Variants in CNTNAP5 observed in about 807,000 individuals in gnomAD.
CNTNAP5 encodes contactin-associated protein-like 5.
In CNTNAP5, 72 loss-of-function variants were observed where a neutral mutation model predicts 150.2. The observed-to-expected ratio is 0.48, with a 90% CI of 0.40 to 0.58. CNTNAP5 has a LOEUF of 0.58. Among genes scored for constraint, CNTNAP5 ranks in the 20% least tolerant of loss-of-function variants. The pLI is 0.00. For synonymous variants in CNTNAP5, 672 were observed against 619.8 expected (o/e 1.08, Z -1.25); for missense variants, 1,636 against 1,626.2 (o/e 1.01, Z -0.10).
intron 1 of CNTNAP5, among the ~76,000 whole-genome samples, chr2:124,105,215 T>C (rs1304058019): frequency 6.6e-6 from 1 of 152,190 alleles, no homozygotes; most frequent in Non-Finnish European, 1.5e-5. Context: ...ATTGTGTGGG[T>C]GTATCATAAT....
intron 20 of CNTNAP5, among the ~76,000 whole-genome samples, chr2:124,869,346 T>C (rs559626576): frequency 6.6e-6 from 1 of 152,322 alleles, no homozygotes; most frequent in Non-Finnish European, 1.5e-5. Flanking sequence ...AGCAAGTTCC[T>C]GAGCAGGTTT....
chr2:124,707,544 G>A (rs747853114), intron 13 of CNTNAP5, among the ~76,000 whole-genome samples: 3 of 152,016 alleles, frequency 2.0e-5, no homozygotes, highest in Non-Finnish European at 4.4e-5. Flanking sequence ...TCCACCCATC[G>A]CATCATTGTC....
At chr2:124,320,492 A>T (rs909994011) in intron 3 of CNTNAP5, among the ~76,000 whole-genome samples, 1 of 152,182 alleles carries the variant, frequency 6.6e-6, no homozygotes, top group Non-Finnish European at 1.5e-5. Flanking sequence ...TTTACTGCCC[A>T]CTTCTGATTT....
intron 20 of CNTNAP5, among the ~76,000 whole-genome samples, chr2:124,866,196 G>A (rs1433256128): frequency 6.6e-6 from 1 of 152,068 alleles, no homozygotes; most frequent in Non-Finnish European, 1.5e-5. Context: ...GGAGGCGGAG[G>A]TTGCAGTGAG....
intron 3 of CNTNAP5, among the ~76,000 whole-genome samples, chr2:124,289,478 A>G (rs2104632117): frequency 6.6e-6 from 1 of 152,332 alleles, no homozygotes; most frequent in South Asian, 2.1e-4. Context: ...TGTGAATACA[A>G]ATTTGTCATC....
intron 11 of CNTNAP5, among the ~76,000 whole-genome samples, chr2:124,590,808 A>C (rs927860369): frequency 2.0e-5 from 3 of 152,198 alleles, no homozygotes; most frequent in Non-Finnish European, 2.9e-5. Context: ...TACAATAGGA[A>C]TATAAATGGC....
intron 3 of CNTNAP5, among the ~76,000 whole-genome samples, chr2:124,362,362 A>G (rs1690236190): frequency 6.6e-6 from 1 of 152,252 alleles, no homozygotes; most frequent in Non-Finnish European, 1.5e-5. Flanking sequence ...AATATCATTA[A>G]CAAGATAGTC....
At chr2:124,510,945 G>A (rs1694573350) in intron 8 of CNTNAP5, among the ~76,000 whole-genome samples, 1 of 152,114 alleles carries the variant, frequency 6.6e-6, no homozygotes, top group Non-Finnish European at 1.5e-5. Context: ...TAAGCTCCCA[G>A]TTCTTTCTTA....
At chr2:124,198,579 C>G (rs936992719) in intron 1 of CNTNAP5, among the ~76,000 whole-genome samples, 2 of 152,120 alleles carry the variant, frequency 1.3e-5, no homozygotes, top group Admixed American at 6.5e-5. Context: ...TCTCTCCCCA[C>G]TCTAGGAGTT....
At chr2:124,838,322 A>G (rs1287340474) in intron 19 of CNTNAP5, among the ~76,000 whole-genome samples, 2 of 152,046 alleles carry the variant, frequency 1.3e-5, no homozygotes, top group Middle Eastern at 3.2e-3. Context: ...CACAGGTGAT[A>G]TCTAGAGGCC....
intron 3 of CNTNAP5, among the ~76,000 whole-genome samples, chr2:124,280,275 CCT>C (rs975849753): frequency 8.6e-5 from 13 of 152,028 alleles, no homozygotes; most frequent in Non-Finnish European, 1.8e-4. Flanking sequence ...TCAAGCAATT[CCT>C]CTGTCTCAGC....
chr2:124,521,659 T>C (rs763421523), intron 8 of CNTNAP5, among the ~76,000 whole-genome samples: 4 of 152,200 alleles, frequency 2.6e-5, no homozygotes, highest in Non-Finnish European at 4.4e-5. Flanking sequence ...GCTTGGCCTT[T>C]AGGGAGTATT....
At position 124,920,263 on chromosome 2, in the gene CNTNAP5, C is replaced by A. The variant is rs1678847750; in HGVS notation, c.*5975C>A. On this transcript the variant is annotated 3_prime_UTR_variant, in exon 24 of 24. Transcript: ENST00000682447. ...CAGAAATATCTTCAGAGAACGTGAA[C>A]AAAGTGCTGGATATGAAACAGGAAT... Among the ~76,000 whole-genome samples the A allele has an allele frequency of 6.6e-6, 1 of 152,106 alleles. No homozygotes were observed. The highest frequency in any genetic ancestry group is 2.4e-5 in the African/African-American group (1 of 41,432).
At chr2:124,460,642 A>C (rs957188649) in intron 6 of CNTNAP5, among the ~76,000 whole-genome samples, 1 of 152,112 alleles carries the variant, frequency 6.6e-6, no homozygotes, top group Admixed American at 6.5e-5. Context: ...GATGAATTTT[A>C]TTTCTGTGAA....
In CNTNAP5 at chr2:124,914,497, C is replaced by T. The variant is rs139818189; in HGVS notation, c.*209C>T. On this transcript the variant is annotated 3_prime_UTR_variant, in exon 24 of 24. Coordinates refer to ENST00000682447, the MANE Select transcript of CNTNAP5 (RefSeq NM_001367498.1). Reference sequence around the variant, plus strand: ...GCCACTGCCTTCCTCTCTGATGAACCTATCGGGTGAAAACGACCACTCAAG... The same window carrying T: ...GCCACTGCCTTCCTCTCTGATGAACTTATCGGGTGAAAACGACCACTCAAG... The T allele has an allele frequency of 1.8e-4, 101 of 546,864 alleles. No homozygotes were observed. Among genetic ancestry groups the T allele is most frequent in the African/African-American group, 1.8e-3 (97 of 52,588 alleles). 33.9% of individuals were successfully genotyped at this position (546,864 alleles called of 1,614,324 possible).
intron 1 of CNTNAP5, among the ~76,000 whole-genome samples, chr2:124,115,246 G>T (rs1389377830): frequency 6.6e-6 from 1 of 152,084 alleles, no homozygotes; most frequent in Admixed American, 6.6e-5. Context: ...TCATAACTAA[G>T]TTGGCTAACA....
chr2:124,181,032 G>C (rs1476515428), intron 1 of CNTNAP5, among the ~76,000 whole-genome samples: 2 of 149,294 alleles, frequency 1.3e-5, no homozygotes, highest in African/African-American at 4.9e-5. Flanking sequence ...AGAAAAGCCA[G>C]AATTTAAAAA....
intron 13 of CNTNAP5, among the ~76,000 whole-genome samples, chr2:124,661,076 G>A (rs970640897): frequency 1.3e-5 from 2 of 152,072 alleles, no homozygotes; most frequent in African/African-American, 4.8e-5. Flanking sequence ...GTGTGAATGT[G>A]AAGGTCTAGG....
At chr2:124,497,711 C>T (rs564404298) in intron 7 of CNTNAP5, among the ~76,000 whole-genome samples, 1 of 152,160 alleles carries the variant, frequency 6.6e-6, no homozygotes, top group Non-Finnish European at 1.5e-5. Context: ...TACCCAGTGA[C>T]CAATGAACAT....
Sources: gnomAD v4.1 joint callset for allele counts (sites outside exome capture counted in the v4.1 genomes callset) on GRCh38, gnomAD v4.1.1 for gene constraint, MANE v1.5 for transcripts, NCBI Gene and HGNC (gene_info 2026-07-23, HGNC 2026-07-21) for gene names.